Variants in KIF5B observed in about 807,000 individuals in gnomAD.
KIF5B encodes the protein kinesin family member 5B.
KIF5B carries 49 observed loss-of-function variants against 132.8 expected under a neutral mutation model. That is an observed-to-expected ratio of 0.37 (90% confidence interval 0.29 to 0.47). The LOEUF is 0.47. KIF5B is among the 20% of genes least tolerant of loss of function. KIF5B has a pLI of 1.00. For synonymous variants in KIF5B, 355 were observed against 369.4 expected, an observed-to-expected ratio of 0.96 and a Z score of 0.45; for missense variants, 780 against 1,144.0, an observed-to-expected ratio of 0.68 and a Z score of 4.59.
At chr10:32,055,115 G>C (rs1191449877) in intron 1 of KIF5B, among the ~76,000 whole-genome samples, 1 of 151,838 alleles carries the variant, frequency 6.6e-6, no homozygotes, top group Non-Finnish European at 1.5e-5. Context: ...TTGTCTTTCG[G>C]AGCACTTATC....
At position 32,024,311 on chromosome 10, in the gene KIF5B, C is replaced by T. The variant is rs536077853; in HGVS notation, c.1726-1275G>A. 3.4e-5 allele frequency among the ~76,000 whole-genome samples: 5 copies of T among 145,834 alleles called. No individual in the cohort carries two copies. In the South Asian group the frequency reaches 8.5e-4, roughly 25 times the overall value. On this transcript the variant is annotated intron_variant, in intron 15 of 25. Coordinates refer to ENST00000302418, the MANE Select transcript of KIF5B (RefSeq NM_004521.3). ...CTGGGACTACAGGCGCCCGCCACTA[C>T]GCCCGGCTAATTTTTTGTATTTTTA... is the stretch of plus-strand genomic sequence containing the variant.
In KIF5B at chr10:32,028,583, C is replaced by A. The variant is rs1255785933; in HGVS notation, c.1582-12G>T. 3.8e-6 allele frequency: 6 copies of A among 1,595,142 alleles called. No individual in the cohort carries two copies. The highest frequency in any genetic ancestry group is 2.3e-5 in the South Asian group (2 of 87,692). ...CTCGCTAAAGTTGCCTAAGAGAACC[C>A]AAAACAAAAAGTATAGTTAAATCTA... On this transcript the variant is annotated splice_polypyrimidine_tract_variant and intron_variant, in intron 14 of 25. Transcript: ENST00000302418.
chr10:32,030,122 C>T (rs1379161173), intron 14 of KIF5B, among the ~76,000 whole-genome samples: 2 of 152,224 alleles, frequency 1.3e-5, no homozygotes, highest in Non-Finnish European at 2.9e-5. Context: ...AAAATAGCTC[C>T]TCCATGATGA....
At chr10:32,026,013 T>C (rs191170018) in intron 15 of KIF5B, among the ~76,000 whole-genome samples, 11 of 152,268 alleles carry the variant, frequency 7.2e-5, no homozygotes, top group Admixed American at 5.2e-4. Context: ...TTTGTTAGGG[T>C]GGTGTGGGAA....
chr10:32,044,591 G>C (rs1395466685), intron 2 of KIF5B, among the ~76,000 whole-genome samples: 2 of 152,084 alleles, frequency 1.3e-5, no homozygotes, highest in African/African-American at 4.8e-5. Flanking sequence ...AGAATTGCTT[G>C]AACCCGGGAG....
intron 15 of KIF5B, among the ~76,000 whole-genome samples, chr10:32,025,586 G>A (rs1490010126): frequency 6.6e-6 from 1 of 152,106 alleles, no homozygotes; most frequent in East Asian, 1.9e-4. Flanking sequence ...ACTTTGGCCA[G>A]GCTGGTCTCA....
chr10:32,038,788 G>T lies in KIF5B; in HGVS notation c.432C>A (p.Asp144Glu). The T allele has an allele frequency of 6.8e-7, 1 of 1,479,020 alleles. No homozygotes were observed. Among genetic ancestry groups the T allele is most frequent in the Non-Finnish European group, 9.4e-7 (1 of 1,068,044 alleles). The allele number at this position is 1,479,020 out of a possible 1,614,324, so 91.6% of individuals were successfully genotyped here. Residue 144 changes from aspartate (D) to glutamate (E), a missense_variant, in exon 5 of 26, where the codon GAC becomes GAA. Asp to Glu is a conservative substitution (Grantham distance 45). This residue lies in a region of KIF5B where 76 missense variants were observed against 146.4 expected (regional missense o/e 0.52). Transcript: ENST00000302418. ...AAGAATTTAACTTACCATCTAACAGGTCCCTTATCTTATCCAAATATATTT... is the reference window on the plus strand; with the variant it reads ...AAGAATTTAACTTACCATCTAACAGTTCCCTTATCTTATCCAAATATATTT... ...YFEIYLDKIR[D>E]LLDVSKTNLS...
At chr10:32,027,903 C>T (rs1326755321) in intron 15 of KIF5B, among the ~76,000 whole-genome samples, 1 of 152,062 alleles carries the variant, frequency 6.6e-6, no homozygotes, top group African/African-American at 2.4e-5. Flanking sequence ...ATGTCTGGTC[C>T]GTGAACTAAT....
chr10:32,013,883 T>C (rs968483127), intron 25 of KIF5B, among the ~76,000 whole-genome samples: 1 of 152,222 alleles, frequency 6.6e-6, no homozygotes, highest in African/African-American at 2.4e-5. Flanking sequence ...TACCACTGTT[T>C]TAAATCCTAC....
At chr10:32,022,600 C>A (rs943620364) in intron 16 of KIF5B, among the ~76,000 whole-genome samples, 1 of 152,158 alleles carries the variant, frequency 6.6e-6, no homozygotes, top group Admixed American at 6.5e-5. Context: ...GTTTTGCCCA[C>A]CCTGGAATTC....
intron 3 of KIF5B, among the ~76,000 whole-genome samples, chr10:32,039,742 T>A (rs1010191891): frequency 1.3e-5 from 2 of 152,184 alleles, no homozygotes; most frequent in African/African-American, 4.8e-5. Context: ...TAATTCTACA[T>A]TGTTCCTTCT....
In KIF5B at chr10:32,038,206, T is replaced by C. The variant is rs758709788; in HGVS notation, c.455A>G (p.Asn152Ser). The C allele has an allele frequency of 6.8e-6, 11 of 1,607,552 alleles. No homozygotes were observed. Among genetic ancestry groups the C allele is most frequent in the Non-Finnish European group, 9.4e-6 (11 of 1,174,658 alleles). The change falls in exon 6 of 26, where the codon AAC becomes AGC. Residue 152 changes from asparagine to serine, a missense_variant. By Grantham distance (46) the Asn-to-Ser change is conservative. This residue lies in a region of KIF5B where 76 missense variants were observed against 146.4 expected (regional missense o/e 0.52). Coordinates refer to ENST00000302418, the MANE Select transcript of KIF5B (RefSeq NM_004521.3). Reference protein sequence around the residue: ...IRDLLDVSKTNLSVHEDKNRV... With the variant: ...IRDLLDVSKTSLSVHEDKNRV... The stretch of plus-strand genomic sequence containing the variant: ...GTTTTTGTCTTCATGAACTGAAAGG[T>C]TGGTCTTTGAAACTGAGAAAGAAAA...
At chr10:32,029,668 A>G (rs1363253440) in intron 14 of KIF5B, among the ~76,000 whole-genome samples, 1 of 152,196 alleles carries the variant, frequency 6.6e-6, no homozygotes, top group Non-Finnish European at 1.5e-5. Flanking sequence ...AACAGATGCT[A>G]AACACTAGGG....
At chr10:32,027,153 T>C (rs1190215735) in intron 15 of KIF5B, among the ~76,000 whole-genome samples, 1 of 152,210 alleles carries the variant, frequency 6.6e-6, no homozygotes, top group South Asian at 2.1e-4. Context: ...GTTCCAACTC[T>C]GGTTAACAGA....
intron 24 of KIF5B, among the ~76,000 whole-genome samples, chr10:32,016,721 G>GT (rs1841173515): frequency 6.6e-6 from 1 of 151,990 alleles, no homozygotes; most frequent in Non-Finnish European, 1.5e-5. Flanking sequence ...TTTTTATTTA[G>GT]TAGAGACAGG....
intron 15 of KIF5B, among the ~76,000 whole-genome samples, chr10:32,026,413 G>A (rs2132592165): frequency 8.5e-6 from 1 of 117,330 alleles, no homozygotes; most frequent in East Asian, 2.8e-4. Flanking sequence ...ACTCCAGCCT[G>A]GGAGACACAG....
At chr10:32,015,463 C>G (rs1841145895) in intron 25 of KIF5B, 46 bp downstream of exon 25, 6 of 1,407,234 alleles carry the variant, frequency 4.3e-6, no homozygotes, top group Non-Finnish European at 5.7e-6. Flanking sequence ...ATTTAACAAC[C>G]AATTTTCCAC....
chr10:32,049,345 G>A (rs1272102257), intron 1 of KIF5B, among the ~76,000 whole-genome samples: 12 of 152,208 alleles, frequency 7.9e-5, no homozygotes, highest in East Asian at 1.9e-4. Context: ...CTAAGTCTAC[G>A]GGAAAGCAGA....
At chr10:32,051,145 T>C (rs976213205) in intron 1 of KIF5B, among the ~76,000 whole-genome samples, 19 of 152,350 alleles carry the variant, frequency 1.2e-4, no homozygotes, top group Admixed American at 9.8e-4. Flanking sequence ...GATCAAGTAA[T>C]GTCAAGAGAA....
Sources: gnomAD v4.1 joint callset for allele counts (sites outside exome capture counted in the v4.1 genomes callset) on GRCh38, gnomAD v4.1.1 for gene constraint, gnomAD v4.1.1 regional missense constraint, MANE v1.5 for transcripts, NCBI Gene and HGNC (gene_info 2026-07-23, HGNC 2026-07-21) for gene names.